Variants in PRKG1 observed in about 807,000 individuals in gnomAD.
PRKG1 encodes the protein protein kinase cGMP-dependent 1.
PRKG1 carries 35 observed loss-of-function variants against 88.1 expected under a neutral mutation model. The ratio of observed to expected loss-of-function variants is 0.40; its 90% CI spans 0.30 to 0.53. The LOEUF is 0.53. PRKG1 is among the 20% of genes least tolerant of loss of function. PRKG1 has a pLI of 0.59. For synonymous variants in PRKG1, 303 were observed against 292.5 expected (o/e 1.04, Z -0.37); for missense variants, 540 against 839.8 (o/e 0.64, Z 4.41).
At chr10:52,060,433 C>T (rs935471042) in intron 6 of PRKG1, among the ~76,000 whole-genome samples, 7 of 151,572 alleles carry the variant, frequency 4.6e-5, no homozygotes, top group African/African-American at 1.5e-4. Context: ...CAACAGGACA[C>T]CATAAAGATG....
chr10:52,061,996 A>T (rs1433445554), intron 6 of PRKG1, among the ~76,000 whole-genome samples: 2 of 152,138 alleles, frequency 1.3e-5, no homozygotes, highest in Non-Finnish European at 2.9e-5. Flanking sequence ...AAACAATATA[A>T]TTGCCAATTT....
chr10:52,079,798 A>G (rs1401621288), intron 7 of PRKG1, among the ~76,000 whole-genome samples: 1 of 152,190 alleles, frequency 6.6e-6, no homozygotes, highest in Non-Finnish European at 1.5e-5. Context: ...TCTGGTTTGA[A>G]TTTAGTCTTC....
chr10:51,927,205 G>A (rs1283204354), intron 5 of PRKG1, among the ~76,000 whole-genome samples: 2 of 152,182 alleles, frequency 1.3e-5, no homozygotes, highest in Non-Finnish European at 2.9e-5. Context: ...GGAGATAATT[G>A]AATCATAGGG....
chr10:52,172,150 G>A (rs1485783497), intron 9 of PRKG1, among the ~76,000 whole-genome samples: 2 of 152,170 alleles, frequency 1.3e-5, no homozygotes, highest in African/African-American at 2.4e-5. Context: ...TTTTTGCTCT[G>A]CAGCGCTTAT....
intron 4 of PRKG1, among the ~76,000 whole-genome samples, chr10:51,823,094 T>C (rs186104225): frequency 2.4e-4 from 37 of 152,304 alleles, no homozygotes; most frequent in East Asian, 7.7e-4. Flanking sequence ...TGGATACTTA[T>C]ATGTTTTAAA....
Position 51,244,815 on chromosome 10 carries a change from G to C in PRKG1, c.478+91485G>C, listed in dbSNP as rs920630116. On this transcript the variant is annotated intron_variant, in intron 2 of 17. Coordinates refer to ENST00000373980, the MANE Select transcript of PRKG1 (RefSeq NM_006258.4). ...ACTTACTGGAAAAAAATGTCTGTGA[G>C]CTCCTCAGCTGCTTGAGGTTACCTT... 21 of 151,176 alleles carry C rather than the reference G, an allele frequency of 1.4e-4. 1 individual carries two copies. Among genetic ancestry groups the C allele is most frequent in the Admixed American group, 1.1e-3 (17 of 15,154 alleles). The allele number at this position is 151,176 out of a possible 1,614,324, so 9.4% of individuals were successfully genotyped here. A position where few individuals can be genotyped will look rare whatever the true frequency, so the allele number is the denominator to read the frequency against.
intron 4 of PRKG1, among the ~76,000 whole-genome samples, chr10:51,896,751 C>T (rs1020178830): frequency 6.6e-5 from 10 of 151,546 alleles, no homozygotes; most frequent in Non-Finnish European, 1.3e-4. Context: ...AAACTTAACC[C>T]GATTTCTTTT....
At chr10:51,828,656 G>T (rs921871616) in intron 4 of PRKG1, among the ~76,000 whole-genome samples, 1 of 152,144 alleles carries the variant, frequency 6.6e-6, no homozygotes, top group African/African-American at 2.4e-5. Context: ...TTGTTCTAAT[G>T]AAGGCTTTGA....
intron 1 of PRKG1, among the ~76,000 whole-genome samples, chr10:51,075,543 T>A (rs1400466228): frequency 6.6e-6 from 1 of 152,258 alleles, no homozygotes; most frequent in East Asian, 1.9e-4. Context: ...AAATATTTTT[T>A]CATAACATAT....
intron 1 of PRKG1, among the ~76,000 whole-genome samples, chr10:51,008,131 G>A (rs981349643): frequency 1.3e-5 from 2 of 152,156 alleles, no homozygotes; most frequent in South Asian, 4.1e-4. Flanking sequence ...TCATTCATAT[G>A]CCCAGTTCTT....
chr10:51,894,124 T>G (rs1841785314), intron 4 of PRKG1, among the ~76,000 whole-genome samples: 1 of 152,180 alleles, frequency 6.6e-6, no homozygotes, highest in Non-Finnish European at 1.5e-5. Flanking sequence ...GCTGAAAAAC[T>G]TGGCTACACT....
At chr10:52,238,726 C>G (rs1479994962) in intron 9 of PRKG1, among the ~76,000 whole-genome samples, 1 of 148,294 alleles carries the variant, frequency 6.7e-6, no homozygotes, top group Non-Finnish European at 1.5e-5. Context: ...GTTGGTGGGA[C>G]TGTAAACTAG....
chr10:51,590,815 G>C (rs187791087), intron 3 of PRKG1, among the ~76,000 whole-genome samples: 28 of 132,612 alleles, frequency 2.1e-4, no homozygotes, highest in Non-Finnish European at 4.0e-4. Context: ...TTTCGATATG[G>C]GGGGGGTGGG....
chr10:51,437,081 C>T (rs1588956765), intron 2 of PRKG1, among the ~76,000 whole-genome samples: 1 of 151,834 alleles, frequency 6.6e-6, no homozygotes, highest in African/African-American at 2.4e-5. Context: ...TTAGCCAACC[C>T]GATTGCTTGA....
intron 9 of PRKG1, among the ~76,000 whole-genome samples, chr10:52,195,187 A>C (rs1258437099): frequency 6.6e-6 from 1 of 152,002 alleles, no homozygotes; most frequent in Non-Finnish European, 1.5e-5. Context: ...CAGAAAACTC[A>C]AAGTGAGCTG....
chr10:52,012,878 G>T (rs185245676), intron 5 of PRKG1, among the ~76,000 whole-genome samples: 1 of 152,094 alleles, frequency 6.6e-6, no homozygotes, highest in Non-Finnish European at 1.5e-5. Context: ...TATATTCACC[G>T]CATACTATGT....
rs527621188 is a variant in PRKG1, at chr10:52,101,347, T to C, written c.936-32493T>C. Among the ~76,000 whole-genome samples the C allele has an allele frequency of 2.2e-5, 3 of 135,164 alleles. No homozygotes were observed. In the South Asian group the frequency reaches 7.5e-4, roughly 34 times the overall value. The allele number at this position is 135,164 out of a possible 152,430, so 88.7% of individuals were successfully genotyped here. ...ATACGAATTTGACATAATTTTACCA[T>C]AACCACATTATATATTTTTTGTGAG... is the stretch of plus-strand genomic sequence containing the variant. On this transcript the variant is annotated intron_variant, in intron 7 of 17. Transcript: ENST00000373980.
chr10:52,271,365 G>A lies in PRKG1; in HGVS notation c.1189G>A (p.Glu397Lys), dbSNP rs773557548. Residue 397 changes from glutamate to lysine, a missense_variant, in exon 11 of 18, where the codon GAA becomes AAA. Coordinates refer to ENST00000373980, the MANE Select transcript of PRKG1 (RefSeq NM_006258.4). ...TTTCTTTAAGGTCCAGTTGAAAAGT[G>A]AAGAATCCAAAACGTTTGCAATGAA... ...GRVELVQLKS[E>K]ESKTFAMKIL... 9.3e-6 allele frequency: 15 copies of A among 1,612,512 alleles called. No homozygotes were observed. The highest frequency in any genetic ancestry group is 1.2e-5 in the Non-Finnish European group (14 of 1,179,048).
At chr10:52,039,059 CAG>C (rs1387647298) in intron 5 of PRKG1, among the ~76,000 whole-genome samples, 1 of 152,128 alleles carries the variant, frequency 6.6e-6, no homozygotes, top group African/African-American at 2.4e-5. Flanking sequence ...AACAGGAGGA[CAG>C]GGGATTGATC....
Sources: allele counts gnomAD v4.1 joint callset (sites outside exome capture counted in the v4.1 genomes callset), GRCh38; gene constraint gnomAD v4.1.1; transcripts MANE v1.5; gene names NCBI Gene and HGNC (gene_info 2026-07-23, HGNC 2026-07-21).